The following PCDHGA1 variants were observed in gnomAD, a reference collection of about 807,000 sequenced individuals.
The protein encoded by PCDHGA1 is protocadherin gamma subfamily A, 1, also known as protocadherin gamma-A1.
PCDHGA1 carries 32 observed loss-of-function variants against 58.0 expected under a neutral mutation model. The ratio of observed to expected loss-of-function variants is 0.55; its 90% CI spans 0.42 to 0.74. PCDHGA1 has a LOEUF of 0.74. PCDHGA1 is among the 30% of genes least tolerant of loss of function. The pLI is 0.00. For missense variants in PCDHGA1, 1,205 were observed against 1,182.3 expected, an observed-to-expected ratio of 1.02 and a Z score of -0.28; for synonymous variants, 498 against 501.1, an observed-to-expected ratio of 0.99 and a Z score of 0.08.
rs569451436 is a variant in PCDHGA1, at chr5:141,389,774, A to G, written c.2421+56669A>G. The G allele has an allele frequency of 2.5e-6, 4 of 1,613,170 alleles. No individual in the cohort carries two copies. The African/African-American group carries it at 5.3e-5, about 21-fold the overall frequency. On this transcript the variant is annotated intron_variant, in intron 1 of 3. Transcript: ENST00000517417. ...GCGAAGTGCGCACAGCGCGTGCCTTAGGCGACAGGGACGCCGTCCGCCAGC... is the reference window on the plus strand; with the variant it reads ...GCGAAGTGCGCACAGCGCGTGCCTTGGGCGACAGGGACGCCGTCCGCCAGC...
intron 1 of PCDHGA1, chr5:141,478,018 C>T: frequency 1.9e-6 from 3 of 1,614,124 alleles, no homozygotes; most frequent in Non-Finnish European, 2.5e-6. Context: ...CCCGTCCAGT[C>T]CAAGACACAG....
chr5:141,400,181 A>C, intron 1 of PCDHGA1: 3 of 1,614,034 alleles, frequency 1.9e-6, no homozygotes, highest in Non-Finnish European at 2.5e-6. Context: ...GCTGAGCTGC[A>C]GTTTTACCTA....
chr5:141,344,481 AC>A, intron 1 of PCDHGA1: 1 of 1,613,924 alleles, frequency 6.2e-7, no homozygotes, highest in Non-Finnish European at 8.5e-7. Context: ...GGTTCCTGGA[AC>A]CCGATTTCCA....
In PCDHGA1 at chr5:141,487,715, C is replaced by T. The variant is rs1209272301; in HGVS notation, c.2422-7092C>T. 2.5e-6 allele frequency: 4 copies of T among 1,582,708 alleles called. No individual in the cohort carries two copies. The highest frequency in any genetic ancestry group is 1.8e-5 in the Admixed American group (1 of 54,696). The stretch of plus-strand genomic sequence containing the variant: ...GAGTACTGGCCTCTCAGTAAGTGCC[C>T]ATAGTGATGTCACCATTTTTGTAAG... On this transcript the variant is annotated intron_variant, in intron 1 of 3. Transcript: ENST00000517417. This position sits in a 1 kb window ranked among gnomAD's most constrained non-coding sequence, Gnocchi z 5.0.
rs527641698 is a variant in PCDHGA1 at position 141,410,317 on chromosome 5, C to G, written c.2421+77212C>G. The G allele has an allele frequency of 2.5e-6, 4 of 1,613,892 alleles. No homozygotes were observed. In the East Asian group the frequency reaches 6.7e-5, roughly 27 times the overall value. ...CCTTAATCTCAGTGCTCTTCCTCCT[C>G]GCCGTGATTCTGGCCATTGCCTTGC... On this transcript the variant is annotated intron_variant, in intron 1 of 3. Transcript: ENST00000517417.
At chr5:141,433,358 C>CCTAT (rs3074541) in intron 1 of PCDHGA1, 148,925 of 502,316 alleles carry the variant, frequency 0.3, 18,760 homozygotes, top group East Asian at 0.33. Flanking sequence ...CTACTGTCTG[C>CCTAT]CTATCTATCT....
intron 2 of PCDHGA1, among the ~76,000 whole-genome samples, chr5:141,500,779 T>C (rs1222392685): frequency 1.3e-5 from 2 of 152,238 alleles, no homozygotes; most frequent in Non-Finnish European, 2.9e-5. Context: ...TGAATATACA[T>C]ATTATTTTAC....
chr5:141,398,329 G>A, intron 1 of PCDHGA1: 2 of 1,358,092 alleles, frequency 1.5e-6, no homozygotes, highest in African/African-American at 1.5e-5. Flanking sequence ...AAAACTGCGC[G>A]TCAGTTCGGA....
chr5:141,375,053 G>A, intron 1 of PCDHGA1: 1 of 1,614,046 alleles, frequency 6.2e-7, no homozygotes. Context: ...AGCCCGGGAT[G>A]GGCCAGGTCT....
intron 1 of PCDHGA1, among the ~76,000 whole-genome samples, chr5:141,349,304 A>G (rs1417210501): frequency 6.6e-6 from 1 of 152,112 alleles, no homozygotes; most frequent in Non-Finnish European, 1.5e-5. Context: ...TCCTGACCTC[A>G]TGTGTTCTTC....
At chr5:141,383,494 G>A (rs1472112755) in intron 1 of PCDHGA1, 1 of 1,613,248 alleles carries the variant, frequency 6.2e-7, no homozygotes, top group Non-Finnish European at 8.5e-7. Context: ...GCTGGAGCGG[G>A]TGCTGGACCG....
At chr5:141,341,092 C>T (rs1170396854) in intron 1 of PCDHGA1, 6 of 1,614,232 alleles carry the variant, frequency 3.7e-6, no homozygotes, top group Non-Finnish European at 5.1e-6. Context: ...TCCTGGCCTT[C>T]GTCATCGTGT....
In PCDHGA1 at chr5:141,370,930, CTT is replaced by C. The variant is rs762522894; in HGVS notation, c.2421+37827_2421+37828del. Reference sequence around the variant, plus strand: ...TACCTCAGCCCTGATCCGCACTTCTCTTTGATTCAGAAGGAGAACCTGGATGG... The same window carrying C: ...TACCTCAGCCCTGATCCGCACTTCTCTGATTCAGAAGGAGAACCTGGATGG... On this transcript the variant is annotated intron_variant, in intron 1 of 3. Transcript: ENST00000517417. The C allele has an allele frequency of 1.1e-5, 18 of 1,613,894 alleles. No homozygotes were observed. In the African/African-American group the frequency reaches 2.1e-4, roughly 19 times the overall value.
At chr5:141,504,511 CTCTGATAT>C (rs2099838890) in intron 2 of PCDHGA1, among the ~76,000 whole-genome samples, 1 of 151,902 alleles carries the variant, frequency 6.6e-6, no homozygotes, top group Non-Finnish European at 1.5e-5. Flanking sequence ...AGTGGATCTC[CTCTGATAT>C]ATTTTATTCG....
At chr5:141,357,072 C>G (rs745612694) in intron 1 of PCDHGA1, 1 of 1,613,960 alleles carries the variant, frequency 6.2e-7, no homozygotes, top group Admixed American at 1.7e-5. Flanking sequence ...TGCACACAGG[C>G]GAGGTGCGCA....
At chr5:141,459,846 A>G (rs945742948) in intron 1 of PCDHGA1, among the ~76,000 whole-genome samples, 1 of 152,170 alleles carries the variant, frequency 6.6e-6, no homozygotes, top group Admixed American at 6.5e-5. Context: ...CTATTTGTAT[A>G]TCTTCTTGAA....
Position 141,489,557 on chromosome 5 carries a change from T to C in PCDHGA1, c.2422-5250T>C, listed in dbSNP as rs150797955. 54 of 1,613,956 alleles carry C rather than the reference T, an allele frequency of 3.3e-5. 1 individual carries two copies. Among genetic ancestry groups the C allele is most frequent in the Non-Finnish European group, 4.3e-5 (51 of 1,180,004 alleles). On this transcript the variant is annotated intron_variant, in intron 1 of 3. Coordinates refer to ENST00000517417, the MANE Select transcript of PCDHGA1 (RefSeq NM_018912.3). The surrounding 1 kb of genome is among the most constrained non-coding windows in gnomAD (Gnocchi z 4.5). ...GCCAGCACCAGCTGCCTGCTGCCAG[T>C]GCAGGTGGTGACTGAACACCCCCTG...
intron 1 of PCDHGA1, chr5:141,346,603 C>A (rs577224042): frequency 8.0e-7 from 1 of 1,250,564 alleles, no homozygotes; most frequent in African/African-American, 1.5e-5. Flanking sequence ...TCTTTCTGGG[C>A]CTATAGTAGG....
At chr5:141,421,184 C>T (rs2096551183) in intron 1 of PCDHGA1, 4 of 1,457,822 alleles carry the variant, frequency 2.7e-6, no homozygotes, top group Non-Finnish European at 3.7e-6. Context: ...CGATTCACAA[C>T]CAACCAGCTC....
Sources: allele counts gnomAD v4.1 joint callset (sites outside exome capture counted in the v4.1 genomes callset), GRCh38; gene constraint gnomAD v4.1.1; non-coding constraint Gnocchi (gnomAD v3.1); transcripts MANE v1.5; gene names NCBI Gene and HGNC (gene_info 2026-07-23, HGNC 2026-07-21).